The following ZIM3 variants were observed in gnomAD, a reference collection of about 807,000 sequenced individuals.
ZIM3 encodes the protein zinc finger protein 657.
A neutral mutation model predicts 12.9 loss-of-function variants in ZIM3; 11 were observed. The ratio of observed to expected loss-of-function variants is 0.85; its 90% confidence interval spans 0.54 to 1.41. The LOEUF is 1.41. Ranked by LOEUF, ZIM3 falls within the 40% of genes most tolerant of loss-of-function variation. The pLI, the probability that ZIM3 is intolerant of heterozygous loss-of-function variation, is 0.00. For missense variants in ZIM3, 604 were observed against 557.2 expected (o/e 1.08, Z -0.85); for synonymous variants, 205 against 198.5 (o/e 1.03, Z -0.28).
At chr19:57,143,358 A>G (rs1199253352) in intron 1 of ZIM3, among the ~76,000 whole-genome samples, 2 of 150,372 alleles carry the variant, frequency 1.3e-5, no homozygotes, top group African/African-American at 2.5e-5. Flanking sequence ...GAGAGAGAGA[A>G]AGCTAAACAG....
Position 57,134,258 on chromosome 19 carries a change from G to A in ZIM3, c.*660C>T, listed in dbSNP as rs1033121137. The A allele has an allele frequency of 1.3e-5, 2 of 152,164 alleles. No homozygotes were observed. The highest frequency in any genetic ancestry group is 6.6e-5 in the Admixed American group (1 of 15,248). 9.4% of individuals were successfully genotyped at this position (152,164 alleles called of 1,614,324 possible). A position where few individuals can be genotyped will look rare whatever the true frequency, so the allele number is the denominator to read the frequency against. On this transcript the variant is annotated 3_prime_UTR_variant, in exon 5 of 5. Transcript: ENST00000269834. ...TAGAAATCATCCCTAAAAGTATAAAGTGCTGTCTTATTTGTTTATTTTATT... is the reference window on the plus strand; with the variant it reads ...TAGAAATCATCCCTAAAAGTATAAAATGCTGTCTTATTTGTTTATTTTATT...
At chr19:57,142,380 G>A (rs1372374529) in intron 2 of ZIM3, among the ~76,000 whole-genome samples, 7 of 151,992 alleles carry the variant, frequency 4.6e-5, no homozygotes, top group African/African-American at 1.2e-4. Context: ...GAACTCAAGC[G>A]ATCCGCCTGC....
At chr19:57,142,242 C>T (rs2086916943) in intron 2 of ZIM3, among the ~76,000 whole-genome samples, 1 of 148,446 alleles carries the variant, frequency 6.7e-6, no homozygotes, top group Non-Finnish European at 1.5e-5. Context: ...CTCCCAGGTT[C>T]AAGCGATTCT....
At chr19:57,144,018 C>T (rs2086926654) in intron 1 of ZIM3, among the ~76,000 whole-genome samples, 1 of 151,964 alleles carries the variant, frequency 6.6e-6, no homozygotes, top group Non-Finnish European at 1.5e-5. Context: ...ATAGTGAAAC[C>T]TCTGTCTCAA....
rs1484390124 is a variant in ZIM3 at position 57,135,984 on chromosome 19, AC to A, written c.352del (p.Val118Ter). 6.2e-7 allele frequency: 1 copy of A among 1,614,174 alleles called. No homozygotes were observed. Among genetic ancestry groups the A allele is most frequent in the South Asian group, 1.1e-5 (1 of 91,080 alleles). On this transcript the variant is annotated frameshift_variant, in exon 5 of 5. Coordinates refer to ENST00000269834, the MANE Select transcript of ZIM3 (RefSeq NM_052882.1). LOFTEE classifies it low-confidence loss of function (END_TRUNC). The part of the protein sequence containing the change: ...NKETLTTQKG[V>X]ECDGSKKILP... ...TATTTTCTTAGATCCGTCACATTCT[AC>A]ACCTTTCTGCGTAGTCAGCGTTTCC...
At chr19:57,141,862 A>AC (rs1158905398) in intron 2 of ZIM3, among the ~76,000 whole-genome samples, 4 of 151,644 alleles carry the variant, frequency 2.6e-5, no homozygotes. Context: ...AAAAAAAAAA[A>AC]ATCAACTGAA....
chr19:57,135,773 C>G lies in ZIM3; in HGVS notation c.564G>C (p.Arg188Ser), dbSNP rs1325395006. The G allele has an allele frequency of 8.1e-6, 13 of 1,614,078 alleles. No homozygotes were observed. Among genetic ancestry groups the G allele is most frequent in the African/African-American group, 1.3e-5 (1 of 75,014 alleles). The change falls in exon 5 of 5, where the codon AGG becomes AGC. Residue 188 changes from arginine (R) to serine (S), a missense_variant. Coordinates refer to ENST00000269834, the MANE Select transcript of ZIM3 (RefSeq NM_052882.1). ...ATTCAAAGGGTTTTTGACAGGCATGCCTCCTCAGGTGACTTTGAAGGCGTG... is the reference window on the plus strand; with the variant it reads ...ATTCAAAGGGTTTTTGACAGGCATGGCTCCTCAGGTGACTTTGAAGGCGTG... ...SKSRLQSHLR[R>S]HACQKPFECH...
Position 57,138,388 on chromosome 19 carries a change from C to T in ZIM3, c.142+84G>A. 1.9e-6 allele frequency: 3 copies of T among 1,594,480 alleles called. No individual in the cohort carries two copies. In the South Asian group the frequency reaches 3.3e-5, roughly 18 times the overall value. On this transcript the variant is annotated intron_variant, in intron 3 of 4. Transcript: ENST00000269834. ...ATGCGAAGTGAGGAGCACCTCTGTG[C>T]CAACCCTATTTGGCCAGCCATGGGG...
intron 1 of ZIM3, 94 bp from the exon 2 acceptor site, chr19:57,142,779 G>T: frequency 1.0e-6 from 1 of 976,296 alleles, no homozygotes; most frequent in Non-Finnish European, 1.6e-6. Flanking sequence ...CTGGATAAAA[G>T]CTCTCCCTAA....
In ZIM3 at chr19:57,134,910, TG is replaced by T; in HGVS notation, c.*7del. 6.3e-7 allele frequency: 1 copy of T among 1,597,536 alleles called. No homozygotes were observed. Among genetic ancestry groups the T allele is most frequent in the Non-Finnish European group, 8.5e-7 (1 of 1,171,652 alleles). Reference sequence around the variant, plus strand: ...ATCTTCCCATGTTTTTTTAAGTGCATGGGGCTCCTATCTGGAGTGAATTCTT... The same window carrying T: ...ATCTTCCCATGTTTTTTTAAGTGCATGGGCTCCTATCTGGAGTGAATTCTT... On this transcript the variant is annotated 3_prime_UTR_variant, in exon 5 of 5. Transcript: ENST00000269834.
chr19:57,134,606 T>C lies in ZIM3; in HGVS notation c.*312A>G, dbSNP rs111800541. On this transcript the variant is annotated 3_prime_UTR_variant, in exon 5 of 5. Transcript: ENST00000269834. ...CAAAAGTATAGTCTTTTAAACGTTT[T>C]TAAAGATATGGATACCACTGGTCAT... is the stretch of plus-strand genomic sequence containing the variant. The C allele has an allele frequency of 4.0e-6, 1 of 247,756 alleles. No individual in the cohort carries two copies. 15.3% of individuals were successfully genotyped at this position (247,756 alleles called of 1,614,324 possible).
rs1170572448 is a variant in ZIM3 at position 57,135,047 on chromosome 19, C to T, written c.1290G>A (p.Arg430=). The T allele has an allele frequency of 9.3e-6, 15 of 1,613,988 alleles. No individual in the cohort carries two copies. Among genetic ancestry groups the T allele is most frequent in the Non-Finnish European group, 1.3e-5 (15 of 1,180,028 alleles). ...TTTTATGCAAACTAAGGTTTAATTT[C>T]CGGATGAAGGTTTTTCCACATTCAC... The part of the protein sequence containing the change: ...RCSECGKTFI[R]KLNLSLHKKT... Residue 430 remains arginine (R), a synonymous_variant, in exon 5 of 5, where the codon CGG becomes CGA. Coordinates refer to ENST00000269834, the MANE Select transcript of ZIM3 (RefSeq NM_052882.1).
chr19:57,135,116 A>G lies in ZIM3; in HGVS notation c.1221T>C (p.His407=), dbSNP rs189400189. Residue 407 remains histidine (H), a synonymous_variant, in exon 5 of 5, where the codon CAT becomes CAC. Coordinates refer to ENST00000269834, the MANE Select transcript of ZIM3 (RefSeq NM_052882.1). The part of the protein sequence containing the change: ...GKAFFQKSNL[H]SHQKTHSGER... ...CTCCGCTATGAGTTTTCTGATGGCT[A>G]TGAAGGTTTGACTTCTGAAAGAAGG... 24 of 1,614,206 alleles carry G rather than the reference A, an allele frequency of 1.5e-5. No individual in the cohort carries two copies. In the African/African-American group the frequency reaches 2.5e-4, roughly 17 times the overall value.
chr19:57,137,031 T>C (rs2086890291), intron 3 of ZIM3, 60 bp from the exon 4 acceptor site: 12 of 1,514,476 alleles, frequency 7.9e-6, no homozygotes, highest in Non-Finnish European at 1.0e-5. Context: ...TTTGTGCAAG[T>C]GTATGAGTGT....
intron 3 of ZIM3, among the ~76,000 whole-genome samples, chr19:57,137,573 C>T (rs1305597564): frequency 1.3e-5 from 2 of 150,454 alleles, no homozygotes; most frequent in African/African-American, 4.9e-5. Context: ...ATTAGCCAGG[C>T]ATGGTGGTGC....
At chr19:57,142,256 A>T (rs1599924236) in intron 2 of ZIM3, among the ~76,000 whole-genome samples, 1 of 145,276 alleles carries the variant, frequency 6.9e-6, no homozygotes. Context: ...CGATTCTCCC[A>T]CCTCCGCCTC....
chr19:57,139,306 C>A (rs2086903426), intron 2 of ZIM3, among the ~76,000 whole-genome samples: 1 of 148,856 alleles, frequency 6.7e-6, no homozygotes, highest in African/African-American at 2.5e-5. Flanking sequence ...CCAGCCAGGG[C>A]AACAAGAGCA....
At chr19:57,136,227 T>C (rs932957616) in intron 4 of ZIM3, 132 bp from the exon 5 acceptor site, 37 of 794,420 alleles carry the variant, frequency 4.7e-5, no homozygotes, top group Non-Finnish European at 6.4e-5. Flanking sequence ...CCAAAGTTAA[T>C]ATAAGCTCTG....
chr19:57,135,662 A>C lies in ZIM3; in HGVS notation c.675T>G (p.Cys225Trp), dbSNP rs1200593150. 1.2e-6 allele frequency: 2 copies of C among 1,612,744 alleles called. No homozygotes were observed. Among genetic ancestry groups the C allele is most frequent in the Non-Finnish European group, 8.5e-7 (1 of 1,179,146 alleles). The change falls in exon 5 of 5, where the codon TGT becomes TGG. Residue 225 changes from cysteine (C) to tryptophan (W), a missense_variant. Cys to Trp is a radical substitution (Grantham distance 215). Coordinates refer to ENST00000269834, the MANE Select transcript of ZIM3 (RefSeq NM_052882.1). ...KTHAEERPYKCENCGNAYKQK... is the reference protein window; with the variant it reads ...KTHAEERPYKWENCGNAYKQK... Reference sequence around the variant, plus strand: ...GCTTGTAGGCATTTCCACAGTTCTCACATTTATAGGGCCTTTCCTCTGCGT... The same window carrying C: ...GCTTGTAGGCATTTCCACAGTTCTCCCATTTATAGGGCCTTTCCTCTGCGT...
Sources: allele counts gnomAD v4.1 joint callset (sites outside exome capture counted in the v4.1 genomes callset), GRCh38; gene constraint gnomAD v4.1.1; transcripts MANE v1.5; gene names NCBI Gene and HGNC (gene_info 2026-07-23, HGNC 2026-07-21).